TMPRSS11F: variants seen among roughly 807,000 people sequenced by gnomAD.
TMPRSS11F encodes transmembrane protease serine 11F.
Under a neutral mutation model 60.2 loss-of-function variants are expected in TMPRSS11F, and 47 were observed. That is an observed-to-expected ratio of 0.78 (90% CI 0.62 to 1.00). The LOEUF is 1.00. Ranked by LOEUF, TMPRSS11F falls within the 50% of genes least tolerant of loss-of-function variation. The probability of loss-of-function intolerance (pLI) is 0.00; values close to 1 mark genes in which losing one functional copy is unlikely to be tolerated. For synonymous variants in TMPRSS11F, 166 were observed against 167.3 expected (o/e 0.99, Z 0.06); for missense variants, 519 against 522.9 (o/e 0.99, Z 0.07).
intron 3 of TMPRSS11F, among the ~76,000 whole-genome samples, chr4:68,076,932 G>A (rs921223668): frequency 3.3e-5 from 5 of 151,986 alleles, no homozygotes; most frequent in African/African-American, 1.2e-4. Context: ...TGCTGCAAGT[G>A]TACACACACT....
chr4:68,088,560 A>G (rs953822681), intron 3 of TMPRSS11F, among the ~76,000 whole-genome samples: 1 of 152,042 alleles, frequency 6.6e-6, no homozygotes, highest in Non-Finnish European at 1.5e-5. Context: ...ACATCTACAG[A>G]ACTCTCCATC....
chr4:68,094,440 C>T (rs1462408846), intron 2 of TMPRSS11F, among the ~76,000 whole-genome samples: 1 of 138,614 alleles, frequency 7.2e-6, no homozygotes, highest in Non-Finnish European at 1.6e-5. Flanking sequence ...GGGAGATATA[C>T]CTAAGGCTAG....
chr4:68,079,573 C>G (rs1168433459), intron 3 of TMPRSS11F, among the ~76,000 whole-genome samples: 1 of 152,142 alleles, frequency 6.6e-6, no homozygotes, highest in Non-Finnish European at 1.5e-5. Context: ...TAACTAGTTT[C>G]TGGAAAGTTT....
At chr4:68,097,424 T>C (rs900407549) in intron 2 of TMPRSS11F, among the ~76,000 whole-genome samples, 2 of 152,176 alleles carry the variant, frequency 1.3e-5, no homozygotes, top group African/African-American at 4.8e-5. Context: ...CTCTTGCTTT[T>C]GTTGTTCTTC....
intron 5 of TMPRSS11F, among the ~76,000 whole-genome samples, chr4:68,070,740 G>T (rs555067301): frequency 6.6e-6 from 1 of 152,254 alleles, no homozygotes; most frequent in South Asian, 2.1e-4. Flanking sequence ...TTAGATGTTT[G>T]TTGGGTTAGT....
At chr4:68,064,097 T>C (rs2109835227) in intron 8 of TMPRSS11F, among the ~76,000 whole-genome samples, 1 of 151,922 alleles carries the variant, frequency 6.6e-6, no homozygotes, top group Middle Eastern at 3.4e-3. Context: ...TTTCTTTTCC[T>C]TCTATATTAG....
intron 1 of TMPRSS11F, among the ~76,000 whole-genome samples, chr4:68,122,762 A>T (rs1724645312): frequency 6.6e-6 from 1 of 152,228 alleles, no homozygotes; most frequent in African/African-American, 2.4e-5. Flanking sequence ...AAAGGCAATC[A>T]CGAATATAGA....
At chr4:68,129,784 T>C (rs769564121) in intron 1 of TMPRSS11F, 26 bp downstream of exon 1, 9 of 1,611,778 alleles carry the variant, frequency 5.6e-6, no homozygotes, top group Non-Finnish European at 7.6e-6. Flanking sequence ...ACTGATAACC[T>C]TTACTGAGAA....
At chr4:68,098,546 TG>T (rs1320923469) in intron 2 of TMPRSS11F, among the ~76,000 whole-genome samples, 4 of 152,220 alleles carry the variant, frequency 2.6e-5, no homozygotes, top group African/African-American at 9.6e-5. Context: ...GAGCTTTTCT[TG>T]AGGCAACTCA....
rs1460812061 is a variant in TMPRSS11F at position 68,064,957 on chromosome 4, A to G, written c.756-13T>C. 2 of 1,603,538 alleles carry G rather than the reference A, an allele frequency of 1.2e-6. No individual in the cohort carries two copies. Among genetic ancestry groups the G allele is most frequent in the Non-Finnish European group, 1.7e-6 (2 of 1,175,516 alleles). On this transcript the variant is annotated splice_polypyrimidine_tract_variant and intron_variant, in intron 7 of 9. Coordinates refer to ENST00000356291, the MANE Select transcript of TMPRSS11F (RefSeq NM_207407.2). Reference sequence around the variant, plus strand: ...TGGGTCTTTATTTCTGCAAAAAATTAAAAAGTAATACTTGTGATGCTTGAC... The same window carrying G: ...TGGGTCTTTATTTCTGCAAAAAATTGAAAAGTAATACTTGTGATGCTTGAC...
intron 8 of TMPRSS11F, chr4:68,063,365 TTTG>T (rs1723244525): frequency 2.4e-6 from 1 of 420,310 alleles, no homozygotes; most frequent in African/African-American, 2.1e-5. Flanking sequence ...TCTCTTTTTT[TTTG>T]TTTTCTGTTT....
At chr4:68,080,880 G>T (rs1723685060) in intron 3 of TMPRSS11F, 1 of 152,020 alleles carries the variant, frequency 6.6e-6, no homozygotes, top group Non-Finnish European at 1.5e-5. Flanking sequence ...CTATTCTTTG[G>T]AAGTTCTGTC....
At chr4:68,060,799 A>T (rs2109830396) in intron 8 of TMPRSS11F, among the ~76,000 whole-genome samples, 1 of 151,890 alleles carries the variant, frequency 6.6e-6, no homozygotes, top group Middle Eastern at 3.4e-3. Flanking sequence ...TGCTTTTTTT[A>T]AATGAAAAAA....
At chr4:68,096,493 C>T (rs1405834513) in intron 2 of TMPRSS11F, among the ~76,000 whole-genome samples, 1 of 152,110 alleles carries the variant, frequency 6.6e-6, no homozygotes, top group Non-Finnish European at 1.5e-5. Flanking sequence ...AACGTTTAAA[C>T]AATGTTTTAC....
At chr4:68,088,632 C>T (rs1432305857) in intron 3 of TMPRSS11F, among the ~76,000 whole-genome samples, 1 of 152,114 alleles carries the variant, frequency 6.6e-6, no homozygotes, top group Non-Finnish European at 1.5e-5. Context: ...AAATTGACCA[C>T]ATACTTGGAA....
At chr4:68,129,436 C>A (rs1049295744) in intron 1 of TMPRSS11F, among the ~76,000 whole-genome samples, 1 of 151,888 alleles carries the variant, frequency 6.6e-6, no homozygotes, top group African/African-American at 2.4e-5. Flanking sequence ...CATCAATAAG[C>A]AACATATGAT....
At position 68,109,822 on chromosome 4, in the gene TMPRSS11F, A is replaced by C. The variant is rs112512695; in HGVS notation, c.12-10784T>G. ...TTTAACATCATTAAAACAAGAAAACACTGGGCAATTAATTTGAAGTTGGTG... is the reference window on the plus strand; with the variant it reads ...TTTAACATCATTAAAACAAGAAAACCCTGGGCAATTAATTTGAAGTTGGTG... On this transcript the variant is annotated intron_variant, in intron 1 of 9. Transcript: ENST00000356291. 3.5e-3 allele frequency among the ~76,000 whole-genome samples: 538 copies of C among 152,330 alleles called. 8 individuals carry two copies. Among genetic ancestry groups the C allele is most frequent in the African/African-American group, 0.013 (520 of 41,590 alleles).
At chr4:68,113,186 G>C (rs775682774) in intron 1 of TMPRSS11F, among the ~76,000 whole-genome samples, 4 of 152,180 alleles carry the variant, frequency 2.6e-5, no homozygotes, top group Non-Finnish European at 5.9e-5. Context: ...CATAAAGGGT[G>C]ATTCTGGTGA....
intron 1 of TMPRSS11F, among the ~76,000 whole-genome samples, chr4:68,125,431 G>A (rs1724697141): frequency 6.6e-6 from 1 of 151,994 alleles, no homozygotes; most frequent in African/African-American, 2.4e-5. Flanking sequence ...AAGAGTCAAA[G>A]TTTAGTCATA....
Sources: allele counts gnomAD v4.1 joint callset (sites outside exome capture counted in the v4.1 genomes callset), GRCh38; gene constraint gnomAD v4.1.1; transcripts MANE v1.5; gene names NCBI Gene and HGNC (gene_info 2026-07-23, HGNC 2026-07-21).